RBFOX1: variants seen among roughly 807,000 people sequenced by gnomAD.
The protein encoded by RBFOX1 is RNA binding fox-1 homolog 1.
Under a neutral mutation model 57.7 loss-of-function variants are expected in RBFOX1, and 8 were observed. That is an observed-to-expected ratio of 0.14 (90% CI 0.08 to 0.25). The LOEUF is 0.25. RBFOX1 is among the 10% of genes least tolerant of loss of function. RBFOX1 has a pLI of 1.00. For missense variants in RBFOX1, 611 were observed against 548.5 expected (o/e 1.11, Z -1.14); for synonymous variants, 326 against 222.4 (o/e 1.47, Z -4.15).
chr16:7,176,773 TATAA>T (rs1225165552), intron 4 of RBFOX1, among the ~76,000 whole-genome samples: 2 of 152,096 alleles, frequency 1.3e-5, no homozygotes, highest in Non-Finnish European at 2.9e-5. Context: ...ACACGACACA[TATAA>T]ATAAATATGT....
intron 3 of RBFOX1, among the ~76,000 whole-genome samples, chr16:5,611,974 TAAAAAC>T (rs1321666574): frequency 1.3e-5 from 2 of 151,416 alleles, no homozygotes; most frequent in East Asian, 3.9e-4. Flanking sequence ...AAAAATAAAA[TAAAAAC>T]AGCCAGATGT....
intron 4 of RBFOX1, among the ~76,000 whole-genome samples, chr16:7,250,877 C>A (rs11865167): frequency 6.6e-6 from 1 of 151,996 alleles, no homozygotes; most frequent in Non-Finnish European, 1.5e-5. Context: ...AAAATAATAA[C>A]GAATTAACTT....
At chr16:5,834,791 TA>T (rs2056406602) in intron 3 of RBFOX1, among the ~76,000 whole-genome samples, 1 of 149,966 alleles carries the variant, frequency 6.7e-6, no homozygotes, top group African/African-American at 2.5e-5. Context: ...GATAGATAGA[TA>T]GATAGATAGA....
intron 2 of RBFOX1, among the ~76,000 whole-genome samples, chr16:6,431,059 G>T (rs955014694): frequency 6.6e-6 from 1 of 151,960 alleles, no homozygotes; most frequent in East Asian, 1.9e-4. Flanking sequence ...GATTGCCTGA[G>T]CCCAGGAGTT....
chr16:5,743,476 T>C (rs546475155), intron 3 of RBFOX1, among the ~76,000 whole-genome samples: 1 of 152,300 alleles, frequency 6.6e-6, no homozygotes, highest in Admixed American at 6.5e-5. Context: ...TGCCGTTCAA[T>C]ATGGGAGCCA....
intron 4 of RBFOX1, among the ~76,000 whole-genome samples, chr16:5,999,936 A>C (rs1490547114): frequency 6.6e-6 from 1 of 151,088 alleles, no homozygotes; most frequent in Non-Finnish European, 1.5e-5. Flanking sequence ...AGACAAGGAA[A>C]GAAAGCAAGC....
At chr16:7,664,821 G>C (rs541235225) in intron 12 of RBFOX1, 108 bp from the exon 13 acceptor site, 1 of 1,593,064 alleles carries the variant, frequency 6.3e-7, no homozygotes, top group South Asian at 1.1e-5. Flanking sequence ...CTCGGTTCCT[G>C]TGTTTTGGAT....
At chr16:6,662,766 C>T (rs748402886) in intron 3 of RBFOX1, among the ~76,000 whole-genome samples, 2 of 152,082 alleles carry the variant, frequency 1.3e-5, no homozygotes, top group Non-Finnish European at 1.5e-5. Context: ...AACCGAATGA[C>T]AGTGTTTTAC....
chr16:5,716,829 G>T (rs1461804176), intron 3 of RBFOX1, among the ~76,000 whole-genome samples: 1 of 152,220 alleles, frequency 6.6e-6, no homozygotes, highest in East Asian at 1.9e-4. Flanking sequence ...CAGGTTGCAT[G>T]ACCATCAGTG....
At chr16:6,820,838 C>G (rs1349306914) in intron 3 of RBFOX1, among the ~76,000 whole-genome samples, 3 of 152,096 alleles carry the variant, frequency 2.0e-5, no homozygotes, top group African/African-American at 4.8e-5. Flanking sequence ...CCAAAGAAGC[C>G]ATGTAGAAGT....
chr16:7,210,871 G>T lies in RBFOX1; in HGVS notation c.27+158773G>T, dbSNP rs1261171632. 7.2e-5 allele frequency among the ~76,000 whole-genome samples: 11 copies of T among 151,812 alleles called. No individual in the cohort carries two copies. In the East Asian group the frequency reaches 1.9e-3, roughly 27 times the overall value. ...AGAAATAATAATGTATTGAATACTGGTAATTTGCCAAAAGGGTAGATTCTA... is the reference window on the plus strand; with the variant it reads ...AGAAATAATAATGTATTGAATACTGTTAATTTGCCAAAAGGGTAGATTCTA... On this transcript the variant is annotated intron_variant, in intron 4 of 15. Coordinates refer to ENST00000550418, the MANE Select transcript of RBFOX1 (RefSeq NM_018723.4).
intron 2 of RBFOX1, among the ~76,000 whole-genome samples, chr16:6,459,762 A>C (rs1158341491): frequency 1.3e-5 from 2 of 151,856 alleles, no homozygotes; most frequent in Non-Finnish European, 2.9e-5. Flanking sequence ...GGATCACCTG[A>C]GATTGGGAGT....
intron 2 of RBFOX1, among the ~76,000 whole-genome samples, chr16:5,476,884 C>G (rs189136092): frequency 5.3e-5 from 8 of 152,292 alleles, no homozygotes; most frequent in Admixed American, 3.3e-4. Context: ...ATCTAGTTCT[C>G]CCAGTTATTC....
chr16:6,104,895 C>T (rs1023734784), intron 1 of RBFOX1, among the ~76,000 whole-genome samples: 2 of 152,144 alleles, frequency 1.3e-5, no homozygotes, highest in African/African-American at 4.8e-5. Flanking sequence ...GCAAACCTAA[C>T]GTTGATTTTG....
intron 1 of RBFOX1, among the ~76,000 whole-genome samples, chr16:5,296,204 G>A (rs2063663919): frequency 6.6e-6 from 1 of 152,190 alleles, no homozygotes; most frequent in South Asian, 2.1e-4. Flanking sequence ...AGCTAGCTGG[G>A]CATTCAGACT....
chr16:7,625,287 T>C (rs1424519826), intron 10 of RBFOX1, among the ~76,000 whole-genome samples: 1 of 152,168 alleles, frequency 6.6e-6, no homozygotes, highest in Non-Finnish European at 1.5e-5. Flanking sequence ...CTGTTCCTAA[T>C]GGCGGGTATT....
At chr16:6,164,458 T>G (rs2096901378) in intron 1 of RBFOX1, among the ~76,000 whole-genome samples, 1 of 147,854 alleles carries the variant, frequency 6.8e-6, no homozygotes, top group Admixed American at 7.0e-5. Context: ...CTTTTTTGCA[T>G]TGTTATATTG....
At chr16:6,976,054 T>C (rs555188336) in intron 3 of RBFOX1, among the ~76,000 whole-genome samples, 1 of 152,118 alleles carries the variant, frequency 6.6e-6, no homozygotes, top group East Asian at 1.9e-4. Flanking sequence ...TTGAACCCAG[T>C]AGGTGGAGGT....
At chr16:7,709,550 G>T (rs1339851515) in intron 15 of RBFOX1, 15 of 1,532,056 alleles carry the variant, frequency 9.8e-6, no homozygotes, top group Non-Finnish European at 1.2e-5. Context: ...ACACTTCCAG[G>T]CCTCTGCTGT....
Sources: gnomAD v4.1 joint callset for allele counts (sites outside exome capture counted in the v4.1 genomes callset) on GRCh38, gnomAD v4.1.1 for gene constraint, MANE v1.5 for transcripts, NCBI Gene and HGNC (gene_info 2026-07-23, HGNC 2026-07-21) for gene names.